UBAP2: variants seen among roughly 807,000 people sequenced by gnomAD.
UBAP2 encodes ubiquitin associated protein 2.
A neutral mutation model predicts 139.6 loss-of-function variants in UBAP2; 75 were observed. That is an observed-to-expected ratio of 0.54 (90% CI 0.45 to 0.65). UBAP2 has a LOEUF of 0.65. Among genes scored for constraint, UBAP2 ranks in the 30% least tolerant of loss-of-function variants. The pLI is 0.00. For missense variants in UBAP2, 1,368 were observed against 1,369.6 expected (o/e 1.00, Z 0.02); for synonymous variants, 526 against 526.2 (o/e 1.00, Z 0.01).
At chr9:34,044,739 G>A (rs567329450) in intron 1 of UBAP2, among the ~76,000 whole-genome samples, 3 of 152,028 alleles carry the variant, frequency 2.0e-5, no homozygotes, top group East Asian at 3.9e-4. Flanking sequence ...GTTGGCAGGC[G>A]CCTGTAACCC....
chr9:34,009,836 T>C (rs2131245314), intron 2 of UBAP2, among the ~76,000 whole-genome samples: 1 of 150,718 alleles, frequency 6.6e-6, no homozygotes, highest in South Asian at 2.1e-4. Flanking sequence ...AGACAGAGTT[T>C]CGCTCTTGTT....
At chr9:34,004,881 G>A (rs1053562468) in intron 2 of UBAP2, among the ~76,000 whole-genome samples, 2 of 151,954 alleles carry the variant, frequency 1.3e-5, no homozygotes, top group Non-Finnish European at 2.9e-5. Context: ...GTCAGGAGGA[G>A]ACCAGCCTGG....
chr9:34,026,141 G>A (rs1825382275), intron 1 of UBAP2, among the ~76,000 whole-genome samples: 1 of 152,160 alleles, frequency 6.6e-6, no homozygotes, highest in African/African-American at 2.4e-5. Context: ...AAAAGTTACA[G>A]AACACTTGCT....
intron 5 of UBAP2, among the ~76,000 whole-genome samples, chr9:33,988,413 A>G (rs1446620222): frequency 1.3e-5 from 2 of 152,348 alleles, no homozygotes; most frequent in East Asian, 3.9e-4. Context: ...GTTGTTTTGC[A>G]TAAACAGTGA....
Position 33,997,381 on chromosome 9 carries a change from C to G in UBAP2, c.178-1048G>C, listed in dbSNP as rs1162327711. ...AACATGTACTAGCTGAAGTTCAAAA[C>G]AGCTTGATCCCAACATATCAAGTGA... On this transcript the variant is annotated intron_variant, in intron 3 of 28. Coordinates refer to ENST00000379238, the MANE Select transcript of UBAP2 (RefSeq NM_001370062.2). The G allele has an allele frequency of 3.3e-5, 5 of 152,166 alleles. No individual in the cohort carries two copies. In the East Asian group the frequency reaches 9.6e-4, roughly 29 times the overall value. The allele number at this position is 152,166 out of a possible 1,614,324, so 9.4% of individuals were successfully genotyped here. A position where few individuals can be genotyped will look rare whatever the true frequency, so the allele number is the denominator to read the frequency against.
intron 13 of UBAP2, among the ~76,000 whole-genome samples, chr9:33,945,302 T>A (rs10971810): frequency 0.13 from 19,258 of 151,952 alleles, 1,554 homozygotes; most frequent in African/African-American, 0.22. Context: ...ATCAAGACCA[T>A]CCTGGCTAAC....
intron 8 of UBAP2, among the ~76,000 whole-genome samples, chr9:33,970,403 T>C (rs1827828757): frequency 6.6e-6 from 1 of 152,008 alleles, no homozygotes. Flanking sequence ...ATTTTTTGGC[T>C]AGGGTTGATG....
chr9:33,995,765 G>A (rs1822150078), intron 4 of UBAP2: 1 of 148,522 alleles, frequency 6.7e-6, no homozygotes, highest in South Asian at 2.1e-4. Context: ...GAGCCTGCAA[G>A]CTCACCAAAC....
chr9:34,019,231 C>T (rs187704803), intron 1 of UBAP2, among the ~76,000 whole-genome samples: 66 of 151,996 alleles, frequency 4.3e-4, no homozygotes, highest in African/African-American at 1.5e-3. Flanking sequence ...GGTGAAACCC[C>T]GTCTCTACTA....
At chr9:34,010,117 T>G (rs1823617875) in intron 2 of UBAP2, among the ~76,000 whole-genome samples, 5 of 43,964 alleles carry the variant, frequency 1.1e-4, no homozygotes, top group Admixed American at 5.9e-4. Context: ...CGAGGTCCTG[T>G]CTATTAAAAA....
At chr9:34,011,239 T>C (rs1178518075) in intron 2 of UBAP2, among the ~76,000 whole-genome samples, 2 of 152,190 alleles carry the variant, frequency 1.3e-5, no homozygotes, top group South Asian at 2.1e-4. Context: ...GTTTCACCCA[T>C]ACATTTCTAA....
rs373590717 is a variant in UBAP2, at chr9:33,943,472, T to A, written c.1663A>T (p.Ser555Cys). ...GGAATCTGATTACTATTTTCACTGC[T>A]TGGAGCTGATCCAAATTCAGAGAGA... ...PSLSEFGSAP[S>C]SENSNQIPIS... The change falls in exon 15 of 29, where the codon AGC (serine) becomes TGC (cysteine). Residue 555 changes from serine to cysteine, a missense_variant. By Grantham distance (112) the Ser-to-Cys change is moderately radical. Coordinates refer to ENST00000379238, the MANE Select transcript of UBAP2 (RefSeq NM_001370062.2). 1.9e-6 allele frequency: 3 copies of A among 1,614,124 alleles called. No homozygotes were observed. Among genetic ancestry groups the A allele is most frequent in the East Asian group, 2.2e-5 (1 of 44,900 alleles).
At position 34,027,871 on chromosome 9, in the gene UBAP2, A is replaced by G. The variant is rs1053683297; in HGVS notation, c.-41-10682T>C. Among the ~76,000 whole-genome samples the G allele has an allele frequency of 7.4e-5, 11 of 149,522 alleles. No homozygotes were observed. In the South Asian group the frequency reaches 8.3e-4, roughly 11 times the overall value. ...AGCGAGACTCCATCTCAAAAAAAAA[A>G]AAAAGAAAAGAAAAGAATCTCAACT... On this transcript the variant is annotated intron_variant, in intron 1 of 28. Coordinates refer to ENST00000379238, the MANE Select transcript of UBAP2 (RefSeq NM_001370062.2).
In UBAP2 at chr9:34,007,176, T is replaced by C. The variant is rs185177060; in HGVS notation, c.100-8312A>G. Among the ~76,000 whole-genome samples, 3 of 152,268 alleles carry C rather than the reference T, an allele frequency of 2.0e-5. No individual in the cohort carries two copies. In the East Asian group the frequency reaches 5.8e-4, roughly 29 times the overall value. On this transcript the variant is annotated intron_variant, in intron 2 of 28. Coordinates refer to ENST00000379238, the MANE Select transcript of UBAP2 (RefSeq NM_001370062.2). ...GACCCCTTTATTTCCTTCTCTTGCC[T>C]ATTTGCTCTGGCTAGAAGTTCTAGT...
chr9:34,004,985 G>T (rs140483196), intron 2 of UBAP2, among the ~76,000 whole-genome samples: 1 of 151,542 alleles, frequency 6.6e-6, no homozygotes, highest in Non-Finnish European at 1.5e-5. Context: ...AACAACAGTC[G>T]GGCATGGTAG....
chr9:33,952,408 C>T (rs1482367661), intron 12 of UBAP2, among the ~76,000 whole-genome samples: 2 of 152,122 alleles, frequency 1.3e-5, no homozygotes, highest in Non-Finnish European at 2.9e-5. Context: ...CATTGGAAGT[C>T]AGTCATACAG....
chr9:34,022,687 C>T (rs1396846062), intron 1 of UBAP2, among the ~76,000 whole-genome samples: 3 of 151,984 alleles, frequency 2.0e-5, no homozygotes, highest in Non-Finnish European at 2.9e-5. Context: ...GATCCACCAG[C>T]CTCAGCCTCC....
chr9:33,989,016 T>C lies in UBAP2; in HGVS notation c.399A>G (p.Gly133=). Residue 133 remains glycine (G), a synonymous_variant, in exon 5 of 29, where the codon GGA becomes GGG. Transcript: ENST00000379238. ...CGCCTCTTCCTTTCCGGTTGTTGTTTCCACGTCCACGACTCGATTCTTTCT... is the reference window on the plus strand; with the variant it reads ...CGCCTCTTCCTTTCCGGTTGTTGTTCCCACGTCCACGACTCGATTCTTTCT... The part of the protein sequence containing the change: ...KSEKESSRGR[G]NNNRKGRGGN... 1 of 1,613,856 alleles carries C rather than the reference T, an allele frequency of 6.2e-7. No individual in the cohort carries two copies. The highest frequency in any genetic ancestry group is 1.6e-4 in the Middle Eastern group (1 of 6,062).
At chr9:33,929,590 A>T (rs1260827627) in intron 19 of UBAP2, among the ~76,000 whole-genome samples, 1 of 150,928 alleles carries the variant, frequency 6.6e-6, no homozygotes, top group Non-Finnish European at 1.5e-5. Context: ...AGATCTATGT[A>T]AAAAAAAATC....
Sources: allele counts gnomAD v4.1 joint callset (sites outside exome capture counted in the v4.1 genomes callset), GRCh38; gene constraint gnomAD v4.1.1; transcripts MANE v1.5; gene names NCBI Gene and HGNC (gene_info 2026-07-23, HGNC 2026-07-21).